Variants in ZNF236 observed in about 807,000 individuals in gnomAD.
The protein encoded by ZNF236 is regulated by glucose.
A neutral mutation model predicts 191.2 loss-of-function variants in ZNF236; 50 were observed. That is an observed-to-expected ratio of 0.26 (90% CI 0.21 to 0.33). ZNF236 has a LOEUF of 0.33. ZNF236 is among the 10% of genes least tolerant of loss of function. The probability of loss-of-function intolerance (pLI) is 1.00; values close to 1 mark genes in which losing one functional copy is unlikely to be tolerated. For synonymous variants in ZNF236, 907 were observed against 928.8 expected (o/e 0.98, Z 0.43); for missense variants, 1,754 against 2,374.5 (o/e 0.74, Z 5.43).
intron 3 of ZNF236, among the ~76,000 whole-genome samples, chr18:76,866,270 G>T (rs1023826703): frequency 2.0e-5 from 3 of 152,222 alleles, no homozygotes; most frequent in African/African-American, 4.8e-5. Context: ...GATGGATCAG[G>T]TTCTGTAAGT....
intron 1 of ZNF236, among the ~76,000 whole-genome samples, chr18:76,831,110 G>C (rs1469222425): frequency 6.7e-6 from 1 of 148,956 alleles, no homozygotes; most frequent in Non-Finnish European, 1.5e-5. Context: ...ATTCGCATTA[G>C]GATATATTTT....
At chr18:76,954,680 A>G (rs917579093) in intron 27 of ZNF236, among the ~76,000 whole-genome samples, 5 of 152,178 alleles carry the variant, frequency 3.3e-5, no homozygotes, top group Non-Finnish European at 5.9e-5. Context: ...CAGGTGTCCT[A>G]TTGTAGAATA....
chr18:76,880,878 G>A lies in ZNF236; in HGVS notation c.1189-406G>A, dbSNP rs1174777574. Among the ~76,000 whole-genome samples the A allele has an allele frequency of 1.3e-5, 2 of 152,138 alleles. No homozygotes were observed. The highest frequency in any genetic ancestry group is 4.8e-5 in the African/African-American group (2 of 41,432). ...TCCTCCTGTACCTTCATGGGGAAGA[G>A]CTGGCCAGGGGTATGAGGAATCTCA... On this transcript the variant is annotated intron_variant, in intron 8 of 30. Coordinates refer to ENST00000320610, the MANE Select transcript of ZNF236 (RefSeq NM_001306089.2). This position sits in a 1 kb window ranked among gnomAD's most constrained non-coding sequence, Gnocchi z 5.0.
intron 1 of ZNF236, among the ~76,000 whole-genome samples, chr18:76,836,320 A>G (rs1167081543): frequency 6.6e-6 from 1 of 151,786 alleles, no homozygotes; most frequent in Non-Finnish European, 1.5e-5. Context: ...CCCCGGGCGC[A>G]AGTGATTCTC....
chr18:76,967,433 T>TG (rs112587687), intron 30 of ZNF236, among the ~76,000 whole-genome samples: 22 of 14,436 alleles, frequency 1.5e-3, no homozygotes, highest in East Asian at 2.3e-3. Flanking sequence ...GTTTGTGATT[T>TG]GTTGTTGGAG....
intron 25 of ZNF236, among the ~76,000 whole-genome samples, chr18:76,931,839 A>G (rs1967860103): frequency 6.6e-6 from 1 of 152,200 alleles, no homozygotes; most frequent in South Asian, 2.1e-4. Flanking sequence ...TAGAGATTGC[A>G]TTCACTTCTT....
intron 28 of ZNF236, among the ~76,000 whole-genome samples, chr18:76,956,661 G>T (rs191237047): frequency 1.3e-5 from 2 of 152,350 alleles, no homozygotes; most frequent in South Asian, 4.1e-4. Context: ...GCTTTCCACT[G>T]CAGCAGAGCC....
intron 3 of ZNF236, among the ~76,000 whole-genome samples, chr18:76,857,887 A>G (rs1382198568): frequency 2.0e-5 from 3 of 152,216 alleles, no homozygotes; most frequent in Non-Finnish European, 4.4e-5. Context: ...GATCATGTTT[A>G]TAATGTTGAA....
intron 1 of ZNF236, among the ~76,000 whole-genome samples, chr18:76,844,206 C>T (rs1296180121): frequency 6.7e-6 from 1 of 150,232 alleles, no homozygotes; most frequent in Non-Finnish European, 1.5e-5. Flanking sequence ...CACCAGTGAA[C>T]TCTAGCCTGA....
intron 9 of ZNF236, among the ~76,000 whole-genome samples, chr18:76,890,724 A>T: frequency 6.6e-6 from 1 of 152,342 alleles, no homozygotes; most frequent in East Asian, 1.9e-4. Flanking sequence ...ATATTTTCCT[A>T]TAAGACTAAT....
At chr18:76,828,626 T>C (rs904244770) in intron 1 of ZNF236, among the ~76,000 whole-genome samples, 1 of 152,184 alleles carries the variant, frequency 6.6e-6, no homozygotes, top group Admixed American at 6.5e-5. Flanking sequence ...AACCCTCCAC[T>C]CTCCATAATT....
At position 76,969,048 on chromosome 18, in the gene ZNF236, T is replaced by A; in HGVS notation, c.*709T>A. 2 of 880,538 alleles carry A rather than the reference T, an allele frequency of 2.3e-6. No individual in the cohort carries two copies. The highest frequency in any genetic ancestry group is 2.7e-6 in the Non-Finnish European group (2 of 733,568). The allele number at this position is 880,538 out of a possible 1,614,324, so 54.5% of individuals were successfully genotyped here. ...TGTCCACACGGGCTGGCGACACACTTACCGCATCAATCTGTGTTCAGGTCC... is the reference window on the plus strand; with the variant it reads ...TGTCCACACGGGCTGGCGACACACTAACCGCATCAATCTGTGTTCAGGTCC... On this transcript the variant is annotated 3_prime_UTR_variant, in exon 31 of 31. Transcript: ENST00000320610.
At chr18:76,828,459 C>G (rs146436071) in intron 1 of ZNF236, among the ~76,000 whole-genome samples, 3 of 152,140 alleles carry the variant, frequency 2.0e-5, no homozygotes, top group African/African-American at 4.8e-5. Context: ...TGAGCCCCCA[C>G]GCCTGCCAGA....
chr18:76,879,294 T>C (rs1976805493), intron 7 of ZNF236, among the ~76,000 whole-genome samples: 1 of 152,188 alleles, frequency 6.6e-6, no homozygotes, highest in African/African-American at 2.4e-5. Flanking sequence ...GGTAAGAACA[T>C]AGCAGTTTTT....
chr18:76,852,083 G>A lies in ZNF236; in HGVS notation c.363+144G>A, dbSNP rs143341218. ...AGTGAATTGTCATTAGATTTGCCTTGACACCAGTTGACTGATAAGACATTT... is the reference window on the plus strand; with the variant it reads ...AGTGAATTGTCATTAGATTTGCCTTAACACCAGTTGACTGATAAGACATTT... On this transcript the variant is annotated intron_variant, in intron 3 of 30. Coordinates refer to ENST00000320610, the MANE Select transcript of ZNF236 (RefSeq NM_001306089.2). The A allele has an allele frequency of 2.2e-5, 17 of 767,114 alleles. No homozygotes were observed. The African/African-American group carries it at 2.5e-4, about 11-fold the overall frequency. 47.5% of individuals were successfully genotyped at this position (767,114 alleles called of 1,614,324 possible).
Position 76,880,270 on chromosome 18 carries a change from GGCA to G in ZNF236, c.1148_1150del (p.Gln383del). The G allele has an allele frequency of 6.2e-7, 1 of 1,613,998 alleles. No individual in the cohort carries two copies. The highest frequency in any genetic ancestry group is 8.5e-7 in the Non-Finnish European group (1 of 1,179,940). ...GAGTCGGGGCAGTCCCCGCAGCCTG[GGCA>G]GCAGCTGAGCATCACAGTGGGCATC... On this transcript the variant is annotated inframe_deletion, in exon 8 of 31. Coordinates refer to ENST00000320610, the MANE Select transcript of ZNF236 (RefSeq NM_001306089.2). This position sits in a 1 kb window ranked among gnomAD's most constrained non-coding sequence, Gnocchi z 5.0.
chr18:76,941,293 G>A (rs1968127818), intron 26 of ZNF236, among the ~76,000 whole-genome samples: 1 of 152,224 alleles, frequency 6.6e-6, no homozygotes, highest in Non-Finnish European at 1.5e-5. Context: ...CCAGCTGGCA[G>A]CTCAGGCTCC....
At chr18:76,952,946 AGG>A (rs1968443370) in intron 27 of ZNF236, among the ~76,000 whole-genome samples, 2 of 152,342 alleles carry the variant, frequency 1.3e-5, no homozygotes, top group South Asian at 4.1e-4. Flanking sequence ...CACTCAGGTA[AGG>A]ACCCTGCTGG....
At chr18:76,833,857 A>C (rs1367416276) in intron 1 of ZNF236, among the ~76,000 whole-genome samples, 2 of 152,102 alleles carry the variant, frequency 1.3e-5, no homozygotes, top group Non-Finnish European at 2.9e-5. Flanking sequence ...TTTAATTTTT[A>C]AAATAATTTT....
Sources: gnomAD v4.1 joint callset for allele counts (sites outside exome capture counted in the v4.1 genomes callset) on GRCh38, gnomAD v4.1.1 for gene constraint, Gnocchi (gnomAD v3.1) non-coding constraint, MANE v1.5 for transcripts, NCBI Gene and HGNC (gene_info 2026-07-23, HGNC 2026-07-21) for gene names.